MAPK10: variants seen among roughly 807,000 people sequenced by gnomAD.
The protein encoded by MAPK10 is mitogen-activated protein kinase 10, also known as JNK3 alpha protein kinase.
In MAPK10, 25 loss-of-function variants were observed where a neutral mutation model predicts 59.3. The observed-to-expected ratio is 0.42, with a 90% CI of 0.31 to 0.59. The LOEUF (loss-of-function observed/expected upper bound fraction) is 0.59, where lower values mean the gene tolerates loss of function less well. Among genes scored for constraint, MAPK10 ranks in the 20% least tolerant of loss-of-function variants. The pLI is 0.15. For synonymous variants in MAPK10, 190 were observed against 200.5 expected (o/e 0.95, Z 0.44); for missense variants, 351 against 568.9 (o/e 0.62, Z 3.90).
chr4:86,202,597 G>C (rs1447136626), intron 2 of MAPK10, among the ~76,000 whole-genome samples: 2 of 151,782 alleles, frequency 1.3e-5, no homozygotes, highest in Admixed American at 6.6e-5. Flanking sequence ...AACAAATTAG[G>C]AGCAAGGAGT....
At chr4:86,130,536 T>G (rs549956598) in intron 4 of MAPK10, among the ~76,000 whole-genome samples, 1 of 152,268 alleles carries the variant, frequency 6.6e-6, no homozygotes, top group East Asian at 1.9e-4. Context: ...TAAATGTTCT[T>G]GAGGTGACCA....
At chr4:86,172,209 C>T (rs1265977825) in intron 3 of MAPK10, among the ~76,000 whole-genome samples, 6 of 141,356 alleles carry the variant, frequency 4.2e-5, no homozygotes, top group Admixed American at 2.0e-4. Context: ...TTTGACCCAG[C>T]CATCCCATTA....
At chr4:86,400,677 A>T (rs1012302146) in intron 1 of MAPK10, among the ~76,000 whole-genome samples, 2 of 152,180 alleles carry the variant, frequency 1.3e-5, no homozygotes, top group Non-Finnish European at 2.9e-5. Flanking sequence ...TTATAATTCT[A>T]TAAGATGTTA....
intron 9 of MAPK10, chr4:86,080,625 T>C (rs1013805875): frequency 6.6e-6 from 1 of 151,926 alleles, no homozygotes; most frequent in African/African-American, 2.4e-5. Flanking sequence ...GAAGTAGTGG[T>C]AAGCCAAACA....
At chr4:86,181,839 G>T (rs2076998142) in intron 3 of MAPK10, among the ~76,000 whole-genome samples, 1 of 152,012 alleles carries the variant, frequency 6.6e-6, no homozygotes, top group South Asian at 2.1e-4. Context: ...TAGGAGTTGG[G>T]GAGCCACAAC....
intron 1 of MAPK10, among the ~76,000 whole-genome samples, chr4:86,511,039 C>T (rs1356708666): frequency 6.6e-6 from 1 of 152,186 alleles, no homozygotes; most frequent in Non-Finnish European, 1.5e-5. Flanking sequence ...AAAATTTGTA[C>T]TATTTCCAAC....
rs111754036 is a variant in MAPK10, at chr4:86,158,144, C to T, written c.236+1154G>A. 6.1e-3 allele frequency among the ~76,000 whole-genome samples: 931 copies of T among 151,964 alleles called. 9 individuals are homozygous for T. Among genetic ancestry groups the T allele is most frequent in the African/African-American group, 0.021 (889 of 41,478 alleles). ...GCATAGCAAATCACCATAAACTTAG[C>T]CATTTAAACACAAACTTTAAAACAT... On this transcript the variant is annotated intron_variant, in intron 4 of 13. Transcript: ENST00000641462.
intron 1 of MAPK10, among the ~76,000 whole-genome samples, chr4:86,424,125 C>T (rs1746944826): frequency 6.6e-6 from 1 of 152,004 alleles, no homozygotes; most frequent in Admixed American, 6.5e-5. Flanking sequence ...TCATGGAATT[C>T]CACCAACTTT....
At chr4:86,429,106 T>G (rs545841919) in intron 1 of MAPK10, among the ~76,000 whole-genome samples, 1 of 152,278 alleles carries the variant, frequency 6.6e-6, no homozygotes, top group Non-Finnish European at 1.5e-5. Flanking sequence ...AATATTTTTC[T>G]TTCTTTCTTT....
intron 9 of MAPK10, among the ~76,000 whole-genome samples, chr4:86,077,856 A>T (rs1473343237): frequency 1.3e-5 from 2 of 152,222 alleles, no homozygotes; most frequent in Admixed American, 1.3e-4. Context: ...TTTAGGCACA[A>T]TGTTGAGTAG....
chr4:86,079,366 T>C (rs953575471), intron 9 of MAPK10: 4 of 152,216 alleles, frequency 2.6e-5, no homozygotes, highest in African/African-American at 9.6e-5. Context: ...GTAACATATA[T>C]ATTAATATGT....
intron 2 of MAPK10, among the ~76,000 whole-genome samples, chr4:86,216,430 T>C (rs992210555): frequency 1.2e-4 from 18 of 151,476 alleles, no homozygotes; most frequent in South Asian, 4.1e-4. Flanking sequence ...CACTACTCAA[T>C]TGTACAATTA....
At chr4:86,139,088 G>A (rs1236527415) in intron 4 of MAPK10, among the ~76,000 whole-genome samples, 19 of 140,458 alleles carry the variant, frequency 1.4e-4, no homozygotes, top group African/African-American at 4.1e-4. Flanking sequence ...AATCAATATC[G>A]TGAAAATGGC....
At chr4:86,299,581 C>A (rs1176625826) in intron 2 of MAPK10, among the ~76,000 whole-genome samples, 1 of 152,124 alleles carries the variant, frequency 6.6e-6, no homozygotes, top group East Asian at 1.9e-4. Flanking sequence ...AAATAAATTT[C>A]TGTTATGTAT....
At chr4:86,333,200 G>T (rs1316427482) in intron 2 of MAPK10, among the ~76,000 whole-genome samples, 5 of 152,074 alleles carry the variant, frequency 3.3e-5, no homozygotes, top group Non-Finnish European at 7.4e-5. Context: ...CTTCCTTCTA[G>T]AAAACGATTT....
intron 2 of MAPK10, among the ~76,000 whole-genome samples, chr4:86,266,176 C>G (rs2148757756): frequency 6.6e-6 from 1 of 152,218 alleles, no homozygotes; most frequent in Admixed American, 6.5e-5. Context: ...GGAGGAATAT[C>G]TGGTAAATGG....
intron 2 of MAPK10, among the ~76,000 whole-genome samples, chr4:86,300,046 C>T (rs1241002485): frequency 1.3e-5 from 2 of 151,986 alleles, no homozygotes; most frequent in Non-Finnish European, 2.9e-5. Context: ...GTGTGCACCA[C>T]CACACCTGGC....
chr4:86,569,010 C>A (rs919932850), intron 1 of MAPK10, among the ~76,000 whole-genome samples: 1 of 152,116 alleles, frequency 6.6e-6, no homozygotes, highest in African/African-American at 2.4e-5. Flanking sequence ...AGTAAACAGA[C>A]AACCTACAGA....
chr4:86,555,307 G>A (rs573282141), intron 1 of MAPK10, among the ~76,000 whole-genome samples: 7 of 152,196 alleles, frequency 4.6e-5, no homozygotes, highest in Middle Eastern at 6.8e-3. Flanking sequence ...TTAGCCGGGC[G>A]CGGTGGCCGG....
Sources: gnomAD v4.1 joint callset for allele counts (sites outside exome capture counted in the v4.1 genomes callset) on GRCh38, gnomAD v4.1.1 for gene constraint, MANE v1.5 for transcripts, NCBI Gene and HGNC (gene_info 2026-07-23, HGNC 2026-07-21) for gene names.